ABCA13: variants seen among roughly 807,000 people sequenced by gnomAD.
ABCA13 encodes the protein ATP-binding cassette sub-family A member 13.
In ABCA13, 476 loss-of-function variants were observed where a neutral mutation model predicts 478.7. That is an observed-to-expected ratio of 0.99 (90% CI 0.92 to 1.07). The LOEUF (loss-of-function observed/expected upper bound fraction) is 1.07. Ranked by LOEUF, ABCA13 falls within the 50% of genes least tolerant of loss-of-function variation. The pLI is 0.00. For missense variants in ABCA13, 6,060 were observed against 5,910.6 expected (o/e 1.03, Z -0.83); for synonymous variants, 2,252 against 2,158.9 (o/e 1.04, Z -1.20).
intron 55 of ABCA13, among the ~76,000 whole-genome samples, chr7:48,533,921 A>G (rs1455247252): frequency 4.6e-5 from 7 of 152,116 alleles, no homozygotes; most frequent in Non-Finnish European, 8.8e-5. Context: ...AAGACAGCAG[A>G]AATTTGGTTG....
chr7:48,471,917 T>G (rs1242588691), intron 45 of ABCA13, among the ~76,000 whole-genome samples: 1 of 152,148 alleles, frequency 6.6e-6, no homozygotes, highest in Non-Finnish European at 1.5e-5. Context: ...GAAGGAAATT[T>G]TTCTAAATTT....
rs1823629658 is a variant in ABCA13, at chr7:48,441,799, A to C, written c.12566-13238A>C. ...TGGATGTTATAGAGATGTGATTTGG[A>C]TTTCTGGGCAGTGTTGAGAGCCCTG... On this transcript the variant is annotated intron_variant, in intron 42 of 61. Coordinates refer to ENST00000435803, the MANE Select transcript of ABCA13 (RefSeq NM_152701.5). Among the ~76,000 whole-genome samples, 3 of 152,168 alleles carry C rather than the reference A, an allele frequency of 2.0e-5. 1 individual carries two copies. The highest frequency in any genetic ancestry group is 4.1e-4 in the South Asian group (2 of 4,826).
Position 48,372,304 on chromosome 7 carries a change from C to G in ABCA13, c.10940C>G (p.Thr3647Ser). 1 of 1,613,906 alleles carries G rather than the reference C, an allele frequency of 6.2e-7. No individual in the cohort carries two copies. Among genetic ancestry groups the G allele is most frequent in the Admixed American group, 1.7e-5 (1 of 60,010 alleles). The change falls in exon 33 of 62, where the codon ACC becomes AGC. Residue 3647 changes from threonine to serine, a missense_variant. Around this residue, in one of 3 missense-constraint regions of ABCA13, gnomAD observed 4,423 missense variants for 4,309.1 expected, o/e 1.03. Transcript: ENST00000435803. ...AGTGGCATCTTTGCACACAGCAATA[C>G]CTTTATTGTTTTCCTCTTTCTCTTG... is the stretch of plus-strand genomic sequence containing the variant. ...KTSGIFAHSN[T>S]FIVFLFLLDF...
chr7:48,372,770 A>G (rs533177123), intron 33 of ABCA13, among the ~76,000 whole-genome samples: 1 of 152,214 alleles, frequency 6.6e-6, no homozygotes, highest in Non-Finnish European at 1.5e-5. Context: ...TTAAGGAAGC[A>G]TATAACTTTA....
Position 48,455,180 on chromosome 7 carries a change from G to T in ABCA13, c.12709G>T (p.Val4237Leu). Residue 4237 changes from valine (V) to leucine (L), a missense_variant, in exon 43 of 62, where the codon GTG becomes TTG. Val to Leu is a conservative substitution (Grantham distance 32). This residue lies in a region of ABCA13 where 1,627 missense variants were observed against 1,571.0 expected (regional missense o/e 1.04). Transcript: ENST00000435803. The part of the protein sequence containing the change: ...LADLLLPVLF[V>L]ALAMGLFMVR... ...CGACCTGCTGCTGCCAGTCCTCTTC[G>T]TGGCCTTGGCCATGGGCTTGTTCAT... The T allele has an allele frequency of 6.3e-7, 1 of 1,588,726 alleles. No homozygotes were observed. The highest frequency in any genetic ancestry group is 1.3e-5 in the African/African-American group (1 of 74,284).
intron 42 of ABCA13, among the ~76,000 whole-genome samples, chr7:48,454,388 G>T (rs1825396390): frequency 6.6e-6 from 1 of 152,228 alleles, no homozygotes; most frequent in Non-Finnish European, 1.5e-5. Flanking sequence ...TTGAGGGAGC[G>T]TGGCCGGATG....
chr7:48,477,159 G>A (rs1828192159), intron 45 of ABCA13, among the ~76,000 whole-genome samples: 1 of 152,094 alleles, frequency 6.6e-6, no homozygotes, highest in Non-Finnish European at 1.5e-5. Flanking sequence ...TACAGAGGGT[G>A]TATTTGGGGA....
At chr7:48,226,765 T>C (rs1218544772) in intron 5 of ABCA13, among the ~76,000 whole-genome samples, 1 of 152,164 alleles carries the variant, frequency 6.6e-6, no homozygotes, top group Non-Finnish European at 1.5e-5. Context: ...AAGCCTCGGG[T>C]ATCTAGAGAA....
intron 27 of ABCA13, among the ~76,000 whole-genome samples, chr7:48,321,253 C>G (rs988561868): frequency 1.3e-5 from 2 of 152,168 alleles, no homozygotes; most frequent in African/African-American, 4.8e-5. Context: ...CCCCCACCCC[C>G]AAACAAATAA....
intron 8 of ABCA13, among the ~76,000 whole-genome samples, chr7:48,236,538 T>A (rs1490001157): frequency 6.6e-6 from 1 of 152,200 alleles, no homozygotes; most frequent in African/African-American, 2.4e-5. Flanking sequence ...CCAGTGGCCA[T>A]CCACATTCCT....
intron 3 of ABCA13, among the ~76,000 whole-genome samples, chr7:48,199,871 A>G (rs557244337): frequency 1.7e-4 from 26 of 152,314 alleles, no homozygotes; most frequent in African/African-American, 5.8e-4. Flanking sequence ...GTGGCTAAAC[A>G]ATACTGGCTC....
chr7:48,508,590 TA>T (rs1299794626), intron 50 of ABCA13, among the ~76,000 whole-genome samples: 3 of 151,962 alleles, frequency 2.0e-5, no homozygotes, highest in Admixed American at 6.6e-5. Flanking sequence ...TTATCTTAAG[TA>T]AAAAAAAGCA....
chr7:48,261,866 G>A (rs1794232137), intron 15 of ABCA13, among the ~76,000 whole-genome samples: 1 of 151,888 alleles, frequency 6.6e-6, no homozygotes, highest in South Asian at 2.1e-4. Flanking sequence ...GCACTAGAAT[G>A]GTGATGGAAA....
At chr7:48,434,281 T>G (rs969545018) in intron 42 of ABCA13, among the ~76,000 whole-genome samples, 2 of 152,088 alleles carry the variant, frequency 1.3e-5, no homozygotes, top group Non-Finnish European at 2.9e-5. Context: ...AAGCACCTTT[T>G]CATGTGCTTA....
intron 27 of ABCA13, among the ~76,000 whole-genome samples, chr7:48,326,754 G>A (rs1804388674): frequency 6.6e-6 from 1 of 152,194 alleles, no homozygotes. Flanking sequence ...ATTCACATGT[G>A]AGTATATCTA....
chr7:48,390,824 T>C (rs1333023135), intron 37 of ABCA13, among the ~76,000 whole-genome samples: 1 of 152,216 alleles, frequency 6.6e-6, no homozygotes, highest in African/African-American at 2.4e-5. Context: ...CCAGCTTCTT[T>C]ATGTTTTCAT....
chr7:48,318,323 A>G (rs1034428231), intron 27 of ABCA13, among the ~76,000 whole-genome samples: 1 of 152,006 alleles, frequency 6.6e-6, no homozygotes, highest in Non-Finnish European at 1.5e-5. Context: ...ACTTTAAAAC[A>G]TTTATATAAT....
At chr7:48,327,943 A>G (rs1008174977) in intron 27 of ABCA13, among the ~76,000 whole-genome samples, 10 of 152,250 alleles carry the variant, frequency 6.6e-5, no homozygotes, top group African/African-American at 2.2e-4. Context: ...CAGCTTGGCC[A>G]TCAACACAGA....
rs185411926 is a variant in ABCA13, at chr7:48,273,932, G to C, written c.4266G>C (p.Gly1422=). 6.2e-7 allele frequency: 1 copy of C among 1,612,340 alleles called. No homozygotes were observed. The highest frequency in any genetic ancestry group is 2.2e-5 in the East Asian group (1 of 44,746). ...AAGGTCATCTTCAAAATATTTTGGG[G>C]AATTTCAGAGATATAGAAAACAAAA... ...FSQGHLQNIL[G]NFRDIENKMN... The change falls in exon 17 of 62, where the codon GGG becomes GGC. Residue 1422 remains glycine, a synonymous_variant. Transcript: ENST00000435803.
Sources: gnomAD v4.1 joint callset for allele counts (sites outside exome capture counted in the v4.1 genomes callset) on GRCh38, gnomAD v4.1.1 for gene constraint, gnomAD v4.1.1 regional missense constraint, MANE v1.5 for transcripts, NCBI Gene and HGNC (gene_info 2026-07-23, HGNC 2026-07-21) for gene names.